The following HECW1 variants were observed in gnomAD, a reference collection of about 807,000 sequenced individuals.
HECW1 encodes the protein HECT, C2 and WW domain containing E3 ubiquitin protein ligase 1.
In HECW1, 61 loss-of-function variants were observed where a neutral mutation model predicts 182.3. That is an observed-to-expected ratio of 0.33 (90% CI 0.27 to 0.41). HECW1 has a LOEUF of 0.41. Ranked by LOEUF, HECW1 falls within the 10% of genes least tolerant of loss-of-function variation. The probability of loss-of-function intolerance (pLI) is 1.00; values close to 1 mark genes in which losing one functional copy is unlikely to be tolerated. For missense variants in HECW1, 1,739 were observed against 2,108.9 expected, an observed-to-expected ratio of 0.82 and a Z score of 3.44; for synonymous variants, 859 against 832.6, an observed-to-expected ratio of 1.03 and a Z score of -0.55.
intron 17 of HECW1, among the ~76,000 whole-genome samples, 200 bp from the exon 18 acceptor site, chr7:43,491,875 C>T (rs1006156953): frequency 6.6e-5 from 10 of 152,358 alleles, no homozygotes; most frequent in Middle Eastern, 3.4e-3. Context: ...AGGCGTGAGC[C>T]AGATGGCTTT....
At chr7:43,213,899 A>G (rs1796222106) in intron 2 of HECW1, among the ~76,000 whole-genome samples, 1 of 152,134 alleles carries the variant, frequency 6.6e-6, no homozygotes, top group Non-Finnish European at 1.5e-5. Context: ...TTGCAATGAG[A>G]AAAACAAAAG....
chr7:43,411,844 A>G (rs1421718982), intron 8 of HECW1, among the ~76,000 whole-genome samples: 1 of 152,152 alleles, frequency 6.6e-6, no homozygotes, highest in Non-Finnish European at 1.5e-5. Context: ...TTTACTTATA[A>G]AGTGCATTGC....
At chr7:43,493,537 C>T (rs2079012933) in intron 19 of HECW1, among the ~76,000 whole-genome samples, 1 of 152,058 alleles carries the variant, frequency 6.6e-6, no homozygotes, top group Non-Finnish European at 1.5e-5. Context: ...GAACGGTAAA[C>T]CAAATATTGA....
Position 43,306,946 on chromosome 7 carries a change from GA to G in HECW1, c.28-4810del, listed in dbSNP as rs1308339734. ...CCCACAAGGCCTATTCCAAGATTAA[GA>G]AAAAAAGAAAAACAACAAAGAGCAC... On this transcript the variant is annotated intron_variant, in intron 3 of 29. Transcript: ENST00000395891. 8.6e-5 allele frequency among the ~76,000 whole-genome samples: 13 copies of G among 151,238 alleles called. No homozygotes were observed. In the South Asian group the frequency reaches 2.7e-3, roughly 32 times the overall value.
intron 26 of HECW1, among the ~76,000 whole-genome samples, chr7:43,545,325 C>T (rs935403964): frequency 6.6e-6 from 1 of 152,018 alleles, no homozygotes; most frequent in Non-Finnish European, 1.5e-5. Context: ...TAACTGAATG[C>T]ATAAAATTAG....
At chr7:43,247,817 AAGAGAG>A (rs201937285) in intron 3 of HECW1, among the ~76,000 whole-genome samples, 1 of 137,364 alleles carries the variant, frequency 7.3e-6, no homozygotes, top group Non-Finnish European at 1.5e-5. Flanking sequence ...AAAGAAAAGA[AAGAGAG>A]AGAAAGGTAA....
intron 3 of HECW1, among the ~76,000 whole-genome samples, chr7:43,249,933 C>T (rs1431591457): frequency 6.6e-6 from 1 of 152,102 alleles, no homozygotes; most frequent in Non-Finnish European, 1.5e-5. Context: ...GCGGCAGTCT[C>T]AGGATAGCAC....
chr7:43,492,331 C>T (rs1251564845), intron 18 of HECW1, 151 bp downstream of exon 18: 6 of 585,766 alleles, frequency 1.0e-5, no homozygotes, highest in South Asian at 4.6e-5. Context: ...GTGCACACCC[C>T]GACCCCTGCT....
chr7:43,151,836 A>G (rs553716069), intron 2 of HECW1, among the ~76,000 whole-genome samples: 13 of 152,330 alleles, frequency 8.5e-5, no homozygotes, highest in African/African-American at 1.9e-4. Context: ...AAAGATATAT[A>G]AGAGAAAATT....
intron 24 of HECW1, among the ~76,000 whole-genome samples, chr7:43,533,219 G>A (rs1585216923): frequency 6.6e-6 from 1 of 152,058 alleles, no homozygotes; most frequent in Non-Finnish European, 1.5e-5. Flanking sequence ...TGAGGCTGAG[G>A]AACCAACTCT....
rs1344498171 is a variant in HECW1, at chr7:43,407,704, C to T, written c.774C>T (p.Asn258=). The T allele has an allele frequency of 9.3e-6, 15 of 1,613,646 alleles. No individual in the cohort carries two copies. The highest frequency in any genetic ancestry group is 2.2e-5 in the East Asian group (1 of 44,866). Residue 258 remains asparagine (N), a synonymous_variant, in exon 8 of 30, where the codon AAC becomes AAT. Transcript: ENST00000395891. ...AGAGGAGATCCAAGATCATAGGCAA[C>T]ACCGTGAACCCCATCTGGCAGGCCG... ...GQERRSKIIG[N]TVNPIWQAEQ...
In HECW1 at chr7:43,563,006, A is replaced by AT. The variant is rs200680129; in HGVS notation, c.*1089dup. On this transcript the variant is annotated 3_prime_UTR_variant, in exon 30 of 30. Coordinates refer to ENST00000395891, the MANE Select transcript of HECW1 (RefSeq NM_015052.5). ...TAAAACTTTGATATTTTTTTTTCACATTTTTTTTTCCTTTTCCTTTCTTAA... is the reference window on the plus strand; with the variant it reads ...TAAAACTTTGATATTTTTTTTTCACATTTTTTTTTTCCTTTTCCTTTCTTAA... 167 of 200,358 alleles carry AT rather than the reference A, an allele frequency of 8.3e-4. No homozygotes were observed. The highest frequency in any genetic ancestry group is 2.2e-3 in the East Asian group (28 of 12,992). 12.4% of individuals were successfully genotyped at this position (200,358 alleles called of 1,614,324 possible).
intron 19 of HECW1, among the ~76,000 whole-genome samples, 175 bp from the exon 20 acceptor site, chr7:43,500,524 C>T (rs1021223693): frequency 1.3e-5 from 2 of 152,168 alleles, no homozygotes; most frequent in African/African-American, 4.8e-5. Context: ...AAAGCCATCC[C>T]TCATAGAGCA....
chr7:43,115,453 A>G (rs998750480), intron 2 of HECW1, among the ~76,000 whole-genome samples: 7 of 152,100 alleles, frequency 4.6e-5, no homozygotes, highest in African/African-American at 1.7e-4. Context: ...ACTTTTTCCA[A>G]TCATTGGTTT....
At chr7:43,356,536 C>A (rs1476550875) in intron 5 of HECW1, among the ~76,000 whole-genome samples, 1 of 152,168 alleles carries the variant, frequency 6.6e-6, no homozygotes, top group Admixed American at 6.5e-5. Context: ...ACACACTGAC[C>A]ACATGGCCTA....
rs80226972 is a variant in HECW1, at chr7:43,406,475, G to A, written c.632-1087G>A. Among the ~76,000 whole-genome samples the A allele has an allele frequency of 1.5e-4, 23 of 152,160 alleles. No individual in the cohort carries two copies. The East Asian group carries it at 2.5e-3, about 17-fold the overall frequency. ...CATATGAAAACAACTGTGCTTTTTC[G>A]TCAGTAACAAATTATTGAAACCCCT... is the stretch of plus-strand genomic sequence containing the variant. On this transcript the variant is annotated intron_variant, in intron 7 of 29. Coordinates refer to ENST00000395891, the MANE Select transcript of HECW1 (RefSeq NM_015052.5).
intron 7 of HECW1, among the ~76,000 whole-genome samples, chr7:43,404,791 C>T (rs1562939310): frequency 6.6e-6 from 1 of 152,002 alleles, no homozygotes; most frequent in East Asian, 1.9e-4. Context: ...GCTGGCCAAC[C>T]TAATGAAACC....
intron 2 of HECW1, among the ~76,000 whole-genome samples, chr7:43,201,774 T>C (rs1795035183): frequency 6.6e-6 from 1 of 152,230 alleles, no homozygotes; most frequent in Admixed American, 6.5e-5. Flanking sequence ...GAAATACCTA[T>C]GCTGAATTCT....
At chr7:43,438,201 C>T in intron 9 of HECW1, 56 bp downstream of exon 9, 1 of 1,515,030 alleles carries the variant, frequency 6.6e-7, no homozygotes, top group Non-Finnish European at 9.1e-7. Context: ...AGGTCGTGCC[C>T]AAAGGTGGCC....
Sources: allele counts gnomAD v4.1 joint callset (sites outside exome capture counted in the v4.1 genomes callset), GRCh38; gene constraint gnomAD v4.1.1; transcripts MANE v1.5; gene names NCBI Gene and HGNC (gene_info 2026-07-23, HGNC 2026-07-21).